The following RMI1 variants were observed in gnomAD, a reference collection of about 807,000 sequenced individuals.
The protein encoded by RMI1 is recQ-mediated genome instability protein 1.
RMI1 carries 36 observed loss-of-function variants against 46.7 expected under a neutral mutation model. That is an observed-to-expected ratio of 0.77 (90% CI 0.59 to 1.02). The LOEUF (loss-of-function observed/expected upper bound fraction) is 1.02, where lower values mean the gene tolerates loss of function less well. Ranked by LOEUF, RMI1 falls within the 50% of genes least tolerant of loss-of-function variation. RMI1 has a pLI of 0.00. For missense variants in RMI1, 676 were observed against 713.7 expected (o/e 0.95, Z 0.60); for synonymous variants, 250 against 252.9 (o/e 0.99, Z 0.11).
chr9:83,988,176 A>G (rs1162019984), intron 1 of RMI1, among the ~76,000 whole-genome samples: 1 of 152,124 alleles, frequency 6.6e-6, no homozygotes, highest in Non-Finnish European at 1.5e-5. Context: ...GTGCCACCAC[A>G]CCTGGCCACA....
At position 84,001,061 on chromosome 9, in the gene RMI1, G is replaced by A. The variant is rs747056858; in HGVS notation, c.75G>A (p.Met25Ile). 6.2e-7 allele frequency: 1 copy of A among 1,614,054 alleles called. No individual in the cohort carries two copies. Among genetic ancestry groups the A allele is most frequent in the East Asian group, 2.2e-5 (1 of 44,874 alleles). ...LAAWHVKVPP[M>I]WLEACINWIQ... ...CATGGCATGTTAAAGTACCTCCGAT[G>A]TGGCTGGAAGCTTGTATTAACTGGA... The change falls in exon 3 of 3, where the codon ATG (methionine) becomes ATA (isoleucine). Residue 25 changes from methionine (M) to isoleucine (I), a missense_variant. Coordinates refer to ENST00000445877, the MANE Select transcript of RMI1 (RefSeq NM_001358291.2).
In RMI1 at chr9:84,001,757, T is replaced by C; in HGVS notation, c.771T>C (p.Leu257=). 1 of 1,614,028 alleles carries C rather than the reference T, an allele frequency of 6.2e-7. No homozygotes were observed. The highest frequency in any genetic ancestry group is 8.5e-7 in the Non-Finnish European group (1 of 1,179,968). ...LLASLDENDE[L]TANNDTSSER... ...CAAGTCTTGATGAAAATGATGAGCT[T>C]ACAGCAAATAATGACACTTCCTCAG... Residue 257 remains leucine, a synonymous_variant, in exon 3 of 3, where the codon CTT becomes CTC. Transcript: ENST00000445877.
intron 1 of RMI1, among the ~76,000 whole-genome samples, chr9:83,990,323 C>G (rs1189505864): frequency 6.6e-6 from 1 of 152,018 alleles, no homozygotes; most frequent in African/African-American, 2.4e-5. Flanking sequence ...ACCAGCCTGG[C>G]CAACATAGTG....
Position 84,002,134 on chromosome 9 carries a change from C to G in RMI1, c.1148C>G (p.Thr383Ser). The change falls in exon 3 of 3, where the codon ACT (threonine) becomes AGT (serine). Residue 383 changes from threonine (T) to serine (S), a missense_variant. Transcript: ENST00000445877. ...GAAAAAAATGTATCTGAACAAATGA[C>G]TAATGAAGACAAATCATTTGGTTGT... ...WSEKNVSEQM[T>S]NEDKSFGCPS... 1 of 1,613,674 alleles carries G rather than the reference C, an allele frequency of 6.2e-7. No individual in the cohort carries two copies. Among genetic ancestry groups the G allele is most frequent in the Non-Finnish European group, 8.5e-7 (1 of 1,179,844 alleles).
intron 2 of RMI1, among the ~76,000 whole-genome samples, chr9:84,000,677 A>G (rs1229581470): frequency 6.6e-6 from 1 of 152,184 alleles, no homozygotes; most frequent in Non-Finnish European, 1.5e-5. Flanking sequence ...CATTTTATAG[A>G]TGAAAAAACT....
chr9:83,980,633 C>G (rs1245726431), upstream of RMI1: 1 of 153,118 alleles, frequency 6.5e-6, no homozygotes, highest in Admixed American at 6.5e-5. Flanking sequence ...CACTCACTAG[C>G]TGGGGGGAGG....
At chr9:83,992,007 T>C (rs1477759226) in intron 1 of RMI1, among the ~76,000 whole-genome samples, 1 of 152,222 alleles carries the variant, frequency 6.6e-6, no homozygotes, top group Non-Finnish European at 1.5e-5. Flanking sequence ...CAGTTTGTTA[T>C]TTTTTATAAA....
chr9:83,996,435 G>T (rs1167374766), intron 1 of RMI1, among the ~76,000 whole-genome samples: 3 of 152,158 alleles, frequency 2.0e-5, no homozygotes, highest in African/African-American at 4.8e-5. Flanking sequence ...TTAGCTAAGT[G>T]CCCTTTTCCT....
Position 84,001,302 on chromosome 9 carries a change from T to A in RMI1, c.316T>A (p.Leu106Met), listed in dbSNP as rs189141817. The change falls in exon 3 of 3, where the codon TTG becomes ATG. Residue 106 changes from leucine to methionine, a missense_variant. Coordinates refer to ENST00000445877, the MANE Select transcript of RMI1 (RefSeq NM_001358291.2). Reference protein sequence around the residue: ...SQPAYSQIQKLRGKNTTNDLV... With the variant: ...SQPAYSQIQKMRGKNTTNDLV... ...GCCTGCATACTCCCAGATACAGAAG[T>A]TGAGAGGAAAGAATACAACAAATGA... The A allele has an allele frequency of 6.2e-7, 1 of 1,614,090 alleles. No individual in the cohort carries two copies. Among genetic ancestry groups the A allele is most frequent in the African/African-American group, 1.3e-5 (1 of 75,040 alleles).
At chr9:83,987,960 A>C (rs1048073447) in intron 1 of RMI1, among the ~76,000 whole-genome samples, 4 of 152,058 alleles carry the variant, frequency 2.6e-5, no homozygotes, top group Non-Finnish European at 5.9e-5. Context: ...AACACGGCTC[A>C]CTGCAGCCTC....
chr9:83,982,759 C>T (rs987020998), intron 1 of RMI1, among the ~76,000 whole-genome samples: 1 of 151,828 alleles, frequency 6.6e-6, no homozygotes, highest in African/African-American at 2.4e-5. Context: ...TTCATCCCCT[C>T]TAGATGCCAT....
chr9:83,986,138 T>C (rs1957487063), intron 1 of RMI1, among the ~76,000 whole-genome samples: 1 of 152,256 alleles, frequency 6.6e-6, no homozygotes, highest in Non-Finnish European at 1.5e-5. Flanking sequence ...AATTATTTTA[T>C]GTGCTATGTT....
chr9:83,996,013 G>A (rs1348686925), intron 1 of RMI1, among the ~76,000 whole-genome samples: 1 of 152,142 alleles, frequency 6.6e-6, no homozygotes, highest in African/African-American at 2.4e-5. Flanking sequence ...GTCTTCAGGT[G>A]TAAATTCTAT....
Position 84,001,428 on chromosome 9 carries a change from G to T in RMI1, c.442G>T (p.Gly148Ter). 1 of 1,614,020 alleles carries T rather than the reference G, an allele frequency of 6.2e-7. No homozygotes were observed. The highest frequency in any genetic ancestry group is 8.5e-7 in the Non-Finnish European group (1 of 1,179,980). ...AACTGATGGAATCGTACAAATACAG[G>T]GAATGGAATATCAGCCTATTCCAAT... is the stretch of plus-strand genomic sequence containing the variant. Reference protein sequence around the residue: ...QLTDGIVQIQGMEYQPIPILH... With the variant: ...QLTDGIVQIQ The change falls in exon 3 of 3, where the codon GGA becomes TGA. Residue 148 changes from glycine (G) to a stop codon, truncating the protein, a stop_gained. Transcript: ENST00000445877. LOFTEE classifies it high-confidence loss of function.
In RMI1 at chr9:84,001,566, G is replaced by A. The variant is rs768542987; in HGVS notation, c.580G>A (p.Val194Ile). The A allele has an allele frequency of 1.9e-6, 3 of 1,613,818 alleles. No individual in the cohort carries two copies. The highest frequency in any genetic ancestry group is 2.7e-5 in the African/African-American group (2 of 74,938). ...AAACGTGAAAGTGTTAGGAGGTGAAGTAGATGCTCTTTTAGAAGAATATGC... is the reference window on the plus strand; with the variant it reads ...AAACGTGAAAGTGTTAGGAGGTGAAATAGATGCTCTTTTAGAAGAATATGC... ...PENVKVLGGE[V>I]DALLEEYAQE... The change falls in exon 3 of 3, where the codon GTA becomes ATA. Residue 194 changes from valine to isoleucine, a missense_variant. Val to Ile is a conservative substitution (Grantham distance 29). Coordinates refer to ENST00000445877, the MANE Select transcript of RMI1 (RefSeq NM_001358291.2).
chr9:83,983,322 T>TA (rs774901335), intron 1 of RMI1, among the ~76,000 whole-genome samples: 23 of 152,326 alleles, frequency 1.5e-4, no homozygotes, highest in South Asian at 8.3e-4. Context: ...TTCCTTACTT[T>TA]AGGTTATGGA....
At chr9:83,985,229 A>G (rs1385009510) in intron 1 of RMI1, among the ~76,000 whole-genome samples, 1 of 152,214 alleles carries the variant, frequency 6.6e-6, no homozygotes, top group East Asian at 1.9e-4. Context: ...TGTAGGAAAA[A>G]TAACCTATTA....
intron 1 of RMI1, among the ~76,000 whole-genome samples, chr9:83,997,435 A>G (rs1263234222): frequency 6.6e-6 from 1 of 151,656 alleles, no homozygotes; most frequent in Non-Finnish European, 1.5e-5. Context: ...ATTGAAAAAA[A>G]AAAAGAAAGA....
intron 1 of RMI1, among the ~76,000 whole-genome samples, chr9:83,997,276 TA>T (rs1307271029): frequency 6.6e-6 from 1 of 151,856 alleles, no homozygotes; most frequent in African/African-American, 2.4e-5. Flanking sequence ...CACACCCAGC[TA>T]ATTTTGTATT....
Sources: gnomAD v4.1 joint callset for allele counts (sites outside exome capture counted in the v4.1 genomes callset) on GRCh38, gnomAD v4.1.1 for gene constraint, MANE v1.5 for transcripts, NCBI Gene and HGNC (gene_info 2026-07-23, HGNC 2026-07-21) for gene names.